MAP7: variants seen among roughly 807,000 people sequenced by gnomAD.
The protein encoded by MAP7 is ensconsin.
A neutral mutation model predicts 94.8 loss-of-function variants in MAP7; 52 were observed. The observed-to-expected ratio is 0.55, with a 90% CI of 0.44 to 0.69. The LOEUF is 0.69. Ranked by LOEUF, MAP7 falls within the 30% of genes least tolerant of loss-of-function variation. The pLI, the probability that MAP7 is intolerant of heterozygous loss-of-function variation, is 0.00. For missense variants in MAP7, 940 were observed against 964.6 expected, an observed-to-expected ratio of 0.97 and a Z score of 0.34; for synonymous variants, 350 against 357.0, an observed-to-expected ratio of 0.98 and a Z score of 0.22.
At position 136,356,761 on chromosome 6, in the gene MAP7, G is replaced by T; in HGVS notation, c.1946C>A (p.Pro649Gln). The part of the protein sequence containing the change: ...VSALPCTTNA[P>Q]GNGKPVGSPH... ...GCTGCCAACTGGCTTTCCATTTCCC[G>T]GAGCGTTTGTTGTACATGGAAGTGC... The change falls in exon 16 of 18, where the codon CCG (proline) becomes CAG (glutamine). Residue 649 changes from proline to glutamine, a missense_variant. Transcript: ENST00000354570. The T allele has an allele frequency of 6.2e-7, 1 of 1,614,086 alleles. No homozygotes were observed. Among genetic ancestry groups the T allele is most frequent in the Non-Finnish European group, 8.5e-7 (1 of 1,179,994 alleles).
chr6:136,480,315 C>T (rs1411111012), intron 1 of MAP7, among the ~76,000 whole-genome samples: 1 of 152,154 alleles, frequency 6.6e-6, no homozygotes, highest in Non-Finnish European at 1.5e-5. Flanking sequence ...AACTAGATCT[C>T]TATCTCTTGC....
At chr6:136,459,329 C>T (rs1804406928) in intron 1 of MAP7, among the ~76,000 whole-genome samples, 6 of 152,000 alleles carry the variant, frequency 3.9e-5, no homozygotes, top group Admixed American at 3.9e-4. Context: ...ATGGTGCAGC[C>T]ACTATGGGAA....
intron 6 of MAP7, among the ~76,000 whole-genome samples, chr6:136,381,877 TACACACACACACAC>T (rs1156527948): frequency 1.1e-4 from 10 of 92,952 alleles, no homozygotes; most frequent in Admixed American, 2.4e-4. Flanking sequence ...CTTCTAACCT[TACACACACACACAC>T]ACACACACAC....
At chr6:136,517,551 T>G (rs991634186) in intron 1 of MAP7, among the ~76,000 whole-genome samples, 2 of 152,248 alleles carry the variant, frequency 1.3e-5, no homozygotes, top group East Asian at 3.8e-4. Flanking sequence ...TTGTGTATTC[T>G]CTCTAATACC....
At chr6:136,478,979 C>CAAAAAAAAAAAAAAAAAA (rs59319740) in intron 1 of MAP7, among the ~76,000 whole-genome samples, 9 of 45,506 alleles carry the variant, frequency 2.0e-4, no homozygotes, top group East Asian at 5.2e-4. Context: ...ACAGACACAT[C>CAAAAAAAAAAAAAAAAAA]AAAAAAAAAA....
At chr6:136,477,521 G>A (rs4568469) in intron 1 of MAP7, among the ~76,000 whole-genome samples, 111,507 of 151,996 alleles carry the variant, frequency 0.73, 42,351 homozygotes, top group Middle Eastern at 0.85. Flanking sequence ...AACTTATATC[G>A]GACAAAAACA....
At chr6:136,439,858 C>T (rs1199098492) in intron 1 of MAP7, among the ~76,000 whole-genome samples, 2 of 151,984 alleles carry the variant, frequency 1.3e-5, no homozygotes, top group Non-Finnish European at 2.9e-5. Context: ...GAAAAGAGAG[C>T]GAGAAGCTGA....
At chr6:136,428,126 C>T (rs890975248) in intron 1 of MAP7, among the ~76,000 whole-genome samples, 9 of 152,132 alleles carry the variant, frequency 5.9e-5, no homozygotes, top group South Asian at 2.1e-4. Flanking sequence ...AACAGAGACA[C>T]GCAGGTCTTT....
chr6:136,459,320 T>C (rs909055574), intron 1 of MAP7, among the ~76,000 whole-genome samples: 1 of 151,984 alleles, frequency 6.6e-6, no homozygotes, highest in East Asian at 1.9e-4. Context: ...GAATGAAAAA[T>C]GGTGCAGCCA....
intron 1 of MAP7, among the ~76,000 whole-genome samples, chr6:136,522,457 AT>A (rs773537718): frequency 6.6e-6 from 1 of 152,150 alleles, no homozygotes; most frequent in Non-Finnish European, 1.5e-5. Flanking sequence ...TTACTGAGTT[AT>A]TTGATGTTTG....
intron 1 of MAP7, among the ~76,000 whole-genome samples, chr6:136,508,022 C>T (rs1822099149): frequency 6.6e-6 from 1 of 152,118 alleles, no homozygotes; most frequent in Non-Finnish European, 1.5e-5. Flanking sequence ...GCCCAATTTG[C>T]CTGTTAGAAA....
chr6:136,423,813 T>C (rs952730767), intron 1 of MAP7, among the ~76,000 whole-genome samples: 3 of 151,732 alleles, frequency 2.0e-5, no homozygotes, highest in African/African-American at 7.3e-5. Flanking sequence ...GTTTTGTTTT[T>C]TGAGACAGTT....
At chr6:136,466,764 A>G in intron 1 of MAP7, 3 of 1,535,092 alleles carry the variant, frequency 2.0e-6, no homozygotes, top group African/African-American at 1.4e-5. Flanking sequence ...AACTTACAGT[A>G]CAGTTTAGTG....
chr6:136,444,673 A>G (rs1798808855), intron 1 of MAP7, among the ~76,000 whole-genome samples: 1 of 152,216 alleles, frequency 6.6e-6, no homozygotes, highest in South Asian at 2.1e-4. Context: ...ACAATAGAAC[A>G]GGGAGGTAAA....
At chr6:136,468,870 C>T (rs1174304411) in intron 1 of MAP7, among the ~76,000 whole-genome samples, 3 of 152,122 alleles carry the variant, frequency 2.0e-5, no homozygotes. Flanking sequence ...ACATTCAGGC[C>T]AGTGCTGCCT....
Position 136,429,109 on chromosome 6 carries a change from A to G in MAP7, c.68-7310T>C, listed in dbSNP as rs533324543. 3.3e-5 allele frequency among the ~76,000 whole-genome samples: 5 copies of G among 152,314 alleles called. No homozygotes were observed. The East Asian group carries it at 9.6e-4, about 29-fold the overall frequency. On this transcript the variant is annotated intron_variant, in intron 1 of 17. Coordinates refer to ENST00000354570, the MANE Select transcript of MAP7 (RefSeq NM_003980.6). ...TCATCAAGCATTTGTTCAGTGTCAC[A>G]TATGTGCTGGGTAGTGTGCTAAACA...
chr6:136,354,486 A>T, intron 16 of MAP7, among the ~76,000 whole-genome samples: 1 of 147,370 alleles, frequency 6.8e-6, no homozygotes, highest in African/African-American at 2.5e-5. Context: ...ATATATATAC[A>T]TATATATATT....
intron 1 of MAP7, among the ~76,000 whole-genome samples, chr6:136,507,817 T>G (rs1281502122): frequency 6.6e-6 from 1 of 152,186 alleles, no homozygotes; most frequent in Non-Finnish European, 1.5e-5. Context: ...TTGTAAGTAC[T>G]TTGCCTGAAG....
chr6:136,423,782 G>GTTTTTTTT (rs60134746), intron 1 of MAP7, among the ~76,000 whole-genome samples: 2 of 136,138 alleles, frequency 1.5e-5, no homozygotes, highest in African/African-American at 5.8e-5. Context: ...AGGGAGTTGT[G>GTTTTTTTT]TTTTTTTTTT....
Sources: allele counts gnomAD v4.1 joint callset (sites outside exome capture counted in the v4.1 genomes callset), GRCh38; gene constraint gnomAD v4.1.1; transcripts MANE v1.5; gene names NCBI Gene and HGNC (gene_info 2026-07-23, HGNC 2026-07-21).